Variants in MACF1 observed in about 807,000 individuals in gnomAD.
MACF1 encodes microtubule-actin cross-linking factor 1.
In MACF1, 193 loss-of-function variants were observed where a neutral mutation model predicts 854.8. The observed-to-expected ratio is 0.23, with a 90% CI of 0.20 to 0.25. The LOEUF (loss-of-function observed/expected upper bound fraction) is 0.25. Among genes scored for constraint, MACF1 ranks in the 10% least tolerant of loss-of-function variants. MACF1 has a pLI of 1.00. For missense variants in MACF1, 7,722 were observed against 8,929.1 expected, an observed-to-expected ratio of 0.86 and a Z score of 5.45; for synonymous variants, 3,185 against 3,226.7, an observed-to-expected ratio of 0.99 and a Z score of 0.44.
At chr1:39,436,845 A>G (rs958321248) in intron 70 of MACF1, among the ~76,000 whole-genome samples, 8 of 152,224 alleles carry the variant, frequency 5.3e-5, no homozygotes, top group South Asian at 2.1e-4. Flanking sequence ...TAGTCATGTT[A>G]TTCAAAGTAA....
Position 39,250,018 on chromosome 1 carries a change from G to T in MACF1, c.176G>T (p.Arg59Leu), listed in dbSNP as rs1220306902. The T allele has an allele frequency of 1.2e-6, 2 of 1,603,524 alleles. No individual in the cohort carries two copies. Among genetic ancestry groups the T allele is most frequent in the Admixed American group, 1.7e-5 (1 of 59,432 alleles). ...KWVNKHLMKV[R>L]KHINDLYEDL... ...CTGTTTCACTCTCATTCACAGGTCCGCAAGCACATCAATGATCTTTATGAA... is the reference window on the plus strand; with the variant it reads ...CTGTTTCACTCTCATTCACAGGTCCTCAAGCACATCAATGATCTTTATGAA... Residue 59 changes from arginine to leucine, a missense_variant, in exon 3 of 101, where the codon CGC (arginine) becomes CTC (leucine). Around this residue, in one of 15 missense-constraint regions of MACF1, gnomAD observed 82 missense variants for 84.0 expected, o/e 0.98. Coordinates refer to ENST00000564288, the MANE Select transcript of MACF1 (RefSeq NM_001394062.1).
chr1:39,396,461 A>G (rs1642278455), intron 58 of MACF1, among the ~76,000 whole-genome samples: 2 of 152,228 alleles, frequency 1.3e-5, no homozygotes, highest in African/African-American at 4.8e-5. Context: ...TTGTATAAGA[A>G]GGAAGAAATA....
chr1:39,169,596 C>A (rs1183112375), intron 2 of MACF1, among the ~76,000 whole-genome samples: 1 of 148,950 alleles, frequency 6.7e-6, no homozygotes, highest in African/African-American at 2.5e-5. Flanking sequence ...CAGAGCAAGA[C>A]CCTGTCTCAA....
At chr1:39,268,811 G>A in intron 6 of MACF1, 2 of 1,289,734 alleles carry the variant, frequency 1.6e-6, no homozygotes, top group Non-Finnish European at 2.0e-6. Flanking sequence ...GGAGAGGGAA[G>A]AAAATCCCTA....
chr1:39,211,464 C>T (rs1158919449), intron 1 of MACF1, among the ~76,000 whole-genome samples: 1 of 152,090 alleles, frequency 6.6e-6, no homozygotes, highest in African/African-American at 2.4e-5. Context: ...GACCGGGTTT[C>T]TCCATGTTGC....
chr1:39,340,377 C>A (rs767518799), intron 38 of MACF1, 125 bp from the exon 39 acceptor site: 18 of 656,288 alleles, frequency 2.7e-5, no homozygotes, highest in Middle Eastern at 8.2e-4. Context: ...AATGAATGTA[C>A]ATAAAAACAT....
intron 49 of MACF1, 38 bp downstream of exon 49, chr1:39,361,715 A>T: frequency 6.3e-7 from 1 of 1,599,934 alleles, no homozygotes; most frequent in Admixed American, 1.7e-5. Context: ...AATAAAGGGA[A>T]GAGAAGGGCA....
intron 91 of MACF1, 75 bp downstream of exon 91, chr1:39,459,324 C>A: frequency 7.0e-7 from 1 of 1,435,344 alleles, no homozygotes; most frequent in South Asian, 1.4e-5. Flanking sequence ...CTGAGGCTCT[C>A]TTAATGTGAA....
chr1:39,466,155 C>G (rs1644663556), intron 95 of MACF1, among the ~76,000 whole-genome samples: 1 of 152,204 alleles, frequency 6.6e-6, no homozygotes, highest in Non-Finnish European at 1.5e-5. Flanking sequence ...GTGTCAGCCA[C>G]TGCAAGAACC....
In MACF1 at chr1:39,413,069, C is replaced by G. The variant is rs145511340; in HGVS notation, c.15817-9305C>G. ...TCCTCCCCAGAGGAGACTGCTCCAGCTGTTGCAGCAGCCATCACACAGGAG... is the reference window on the plus strand; with the variant it reads ...TCCTCCCCAGAGGAGACTGCTCCAGGTGTTGCAGCAGCCATCACACAGGAG... On this transcript the variant is annotated intron_variant, in intron 58 of 100. Coordinates refer to ENST00000564288, the MANE Select transcript of MACF1 (RefSeq NM_001394062.1). The G allele has an allele frequency of 6.8e-4, 1,086 of 1,599,598 alleles. 2 individuals are homozygous for G. The highest frequency in any genetic ancestry group is 8.6e-4 in the Non-Finnish European group (1,013 of 1,172,862).
intron 2 of MACF1, among the ~76,000 whole-genome samples, chr1:39,170,977 G>A (rs1020270528): frequency 2.0e-5 from 3 of 152,190 alleles, no homozygotes; most frequent in African/African-American, 4.8e-5. Flanking sequence ...CTGTTCTGGC[G>A]CCTGGTAGCT....
upstream of MACF1, chr1:39,204,116 A>G (rs1644423475): frequency 6.6e-6 from 1 of 152,170 alleles, no homozygotes; most frequent in South Asian, 2.1e-4. Flanking sequence ...TCTACTAAAA[A>G]TATAAAAATT....
intron 21 of MACF1, among the ~76,000 whole-genome samples, chr1:39,299,659 G>T (rs539296421): frequency 7.9e-5 from 12 of 152,132 alleles, no homozygotes; most frequent in Non-Finnish European, 1.3e-4. Context: ...AGCATTGTTG[G>T]TTGAAGAGCT....
chr1:39,178,664 C>T (rs1025925079), intron 2 of MACF1, among the ~76,000 whole-genome samples: 1 of 152,058 alleles, frequency 6.6e-6, no homozygotes, highest in African/African-American at 2.4e-5. Flanking sequence ...GCCCAGACAC[C>T]CCCACGTCTT....
At chr1:39,451,260 A>T in intron 85 of MACF1, 49 bp downstream of exon 85, 2 of 1,569,008 alleles carry the variant, frequency 1.3e-6, no homozygotes, top group Non-Finnish European at 1.7e-6. Context: ...TCTTCTGTAT[A>T]TGACTGCCTA....
intron 1 of MACF1, among the ~76,000 whole-genome samples, chr1:39,210,094 GAA>G (rs76894261): frequency 3.1e-5 from 4 of 129,520 alleles, no homozygotes; most frequent in Non-Finnish European, 5.0e-5. Flanking sequence ...CATCTCAGGA[GAA>G]AAAAAAAAAA....
rs1645888415 is a variant in MACF1 at position 39,295,886 on chromosome 1, T to G, written c.2355+4T>G. On this transcript the variant is annotated splice_donor_region_variant and intron_variant, in intron 20 of 100. Transcript: ENST00000564288. Reference sequence around the variant, plus strand: ...AGAGAATACTGCTTATTTTCAGGTGTGATGGATTTCTGTGTTTGTGTGTGT... The same window carrying G: ...AGAGAATACTGCTTATTTTCAGGTGGGATGGATTTCTGTGTTTGTGTGTGT... 1 of 1,613,194 alleles carries G rather than the reference T, an allele frequency of 6.2e-7. No individual in the cohort carries two copies. Among genetic ancestry groups the G allele is most frequent in the East Asian group, 2.2e-5 (1 of 44,870 alleles).
At chr1:39,268,259 C>A (rs1272463537) in intron 6 of MACF1, among the ~76,000 whole-genome samples, 1 of 152,040 alleles carries the variant, frequency 6.6e-6, no homozygotes, top group African/African-American at 2.4e-5. Context: ...CTTCTTTTTC[C>A]CTCCATTTTC....
At chr1:39,138,973 A>T (rs1272020942) in intron 2 of MACF1, among the ~76,000 whole-genome samples, 1 of 151,994 alleles carries the variant, frequency 6.6e-6, no homozygotes, top group Non-Finnish European at 1.5e-5. Context: ...CCTAGGCCAA[A>T]TAATTTTTAT....
Sources: allele counts gnomAD v4.1 joint callset (sites outside exome capture counted in the v4.1 genomes callset), GRCh38; gene constraint gnomAD v4.1.1; regional missense constraint gnomAD v4.1.1; transcripts MANE v1.5; gene names NCBI Gene and HGNC (gene_info 2026-07-23, HGNC 2026-07-21).